Variants in DNAH7 observed in about 807,000 individuals in gnomAD.
DNAH7 encodes axonemal beta dynein heavy chain 7.
DNAH7 carries 397 observed loss-of-function variants against 444.6 expected under a neutral mutation model. That is an observed-to-expected ratio of 0.89 (90% CI 0.82 to 0.97). The LOEUF (loss-of-function observed/expected upper bound fraction) is 0.97, where lower values mean the gene tolerates loss of function less well. DNAH7 is among the 50% of genes least tolerant of loss of function. The pLI is 0.00. For missense variants in DNAH7, 4,902 were observed against 4,800.8 expected, an observed-to-expected ratio of 1.02 and a Z score of -0.62; for synonymous variants, 1,636 against 1,624.4, an observed-to-expected ratio of 1.01 and a Z score of -0.17.
intron 15 of DNAH7, among the ~76,000 whole-genome samples, chr2:195,979,078 TAAAC>T (rs1367053074): frequency 1.3e-5 from 2 of 151,356 alleles, no homozygotes; most frequent in Non-Finnish European, 3.0e-5. Flanking sequence ...TACAAAAAAA[TAAAC>T]AAAGAATCAT....
At chr2:195,770,749 G>A (rs551427296) in intron 61 of DNAH7, among the ~76,000 whole-genome samples, 5 of 151,952 alleles carry the variant, frequency 3.3e-5, no homozygotes, top group Non-Finnish European at 5.9e-5. Flanking sequence ...TTTGACACAG[G>A]GTCTCACTCT....
chr2:195,855,874 C>T lies in DNAH7; in HGVS notation c.8532G>A (p.Lys2844=). 1 of 1,614,048 alleles carries T rather than the reference C, an allele frequency of 6.2e-7. No individual in the cohort carries two copies. The highest frequency in any genetic ancestry group is 1.1e-5 in the South Asian group (1 of 91,064). The change falls in exon 45 of 65, where the codon AAG becomes AAA. Residue 2844 remains lysine (K), a synonymous_variant. Transcript: ENST00000312428. Reference sequence around the variant, plus strand: ...CAAGTGTGTCTTGAAGCCTGGCCAGCTTGTCCTGAACTTCCTTAAGGGCTG... The same window carrying T: ...CAAGTGTGTCTTGAAGCCTGGCCAGTTTGTCCTGAACTTCCTTAAGGGCTG... ...KQAALKEVQD[K]LARLQDTLEL...
chr2:195,787,652 T>C (rs548532320), intron 57 of DNAH7, among the ~76,000 whole-genome samples: 112 of 152,306 alleles, frequency 7.4e-4, no homozygotes, highest in African/African-American at 2.4e-3. Flanking sequence ...ACAGCTGTTA[T>C]GCTGGGAGTC....
At chr2:195,915,075 G>A (rs575769501) in intron 24 of DNAH7, among the ~76,000 whole-genome samples, 1 of 152,312 alleles carries the variant, frequency 6.6e-6, no homozygotes, top group South Asian at 2.1e-4. Context: ...CAGGAAACGA[G>A]TTGGTGCTGG....
intron 12 of DNAH7, among the ~76,000 whole-genome samples, chr2:195,988,444 C>T (rs1693073857): frequency 6.6e-6 from 1 of 151,848 alleles, no homozygotes; most frequent in South Asian, 2.1e-4. Flanking sequence ...TTTAAGGCTA[C>T]CTAGTTGTGT....
At chr2:195,984,595 G>T in intron 15 of DNAH7, 37 bp downstream of exon 15, 1 of 1,541,852 alleles carries the variant, frequency 6.5e-7, no homozygotes, top group Non-Finnish European at 9.0e-7. Context: ...ATAATTAATT[G>T]ATACACACAC....
At chr2:195,825,937 A>G (rs1257463951) in intron 48 of DNAH7, among the ~76,000 whole-genome samples, 1 of 152,218 alleles carries the variant, frequency 6.6e-6, no homozygotes, top group Non-Finnish European at 1.5e-5. Context: ...CTGAGATCTC[A>G]GCCAACAGCC....
intron 41 of DNAH7, among the ~76,000 whole-genome samples, chr2:195,863,562 G>C (rs760074727): frequency 6.6e-6 from 1 of 151,912 alleles, no homozygotes; most frequent in Non-Finnish European, 1.5e-5. Context: ...TGGCTTTCTC[G>C]CTCTTAACTC....
At chr2:196,057,639 C>A (rs1697890168) in intron 2 of DNAH7, among the ~76,000 whole-genome samples, 1 of 152,176 alleles carries the variant, frequency 6.6e-6, no homozygotes, top group Non-Finnish European at 1.5e-5. Context: ...TAGGAATCAA[C>A]TCTGCATAAA....
intron 60 of DNAH7, among the ~76,000 whole-genome samples, chr2:195,773,076 C>G (rs919437907): frequency 6.6e-6 from 1 of 151,982 alleles, no homozygotes; most frequent in Non-Finnish European, 1.5e-5. Flanking sequence ...CCACCGTGCC[C>G]GGCCTCTACT....
intron 1 of DNAH7, among the ~76,000 whole-genome samples, chr2:196,062,496 C>T (rs1245838684): frequency 1.3e-5 from 2 of 152,202 alleles, no homozygotes; most frequent in East Asian, 3.8e-4. Context: ...TTGAGATTTT[C>T]TAATAAATTT....
At chr2:195,746,558 G>A (rs183712207) in intron 63 of DNAH7, among the ~76,000 whole-genome samples, 1,846 of 152,064 alleles carry the variant, frequency 0.012, 25 homozygotes, top group Non-Finnish European at 0.013. Flanking sequence ...TTTCAGCACC[G>A]TAACACACCT....
rs1695131126 is a variant in DNAH7 at position 195,777,805 on chromosome 2, C to G, written c.11059G>C (p.Gly3687Arg). The G allele has an allele frequency of 6.8e-6, 11 of 1,610,320 alleles. No individual in the cohort carries two copies. The highest frequency in any genetic ancestry group is 9.3e-6 in the Non-Finnish European group (11 of 1,177,382). ...SSGIYFVPPS[G>R]DHKSYIEYTK... is the part of the protein sequence containing the mutation. ...TTTTTGAAGGGCATACTTACATCACCAGAAGGAGGAACAAAATAGATGCCA... is the reference window on the plus strand; with the variant it reads ...TTTTTGAAGGGCATACTTACATCACGAGAAGGAGGAACAAAATAGATGCCA... Residue 3687 changes from glycine to arginine, a missense_variant, in exon 59 of 65, where the codon GGT (glycine) becomes CGT (arginine). Transcript: ENST00000312428.
intron 46 of DNAH7, among the ~76,000 whole-genome samples, chr2:195,848,511 A>G (rs1699153415): frequency 6.6e-6 from 1 of 152,210 alleles, no homozygotes; most frequent in Admixed American, 6.5e-5. Context: ...TGTCATAATT[A>G]TATGAGCTTA....
intron 57 of DNAH7, among the ~76,000 whole-genome samples, chr2:195,793,839 T>C (rs930056727): frequency 2.0e-5 from 3 of 152,182 alleles, no homozygotes; most frequent in African/African-American, 7.2e-5. Context: ...ACGTACACAA[T>C]TCTAATCATG....
At chr2:196,011,584 G>A (rs1160488126) in intron 10 of DNAH7, among the ~76,000 whole-genome samples, 1 of 152,076 alleles carries the variant, frequency 6.6e-6, no homozygotes, top group Non-Finnish European at 1.5e-5. Context: ...TTGGGTTTGA[G>A]GTGGAAGTCA....
chr2:195,924,832 C>G (rs747802310), intron 22 of DNAH7, among the ~76,000 whole-genome samples: 12 of 152,110 alleles, frequency 7.9e-5, no homozygotes, highest in Non-Finnish European at 1.8e-4. Context: ...CTTCTCTTTT[C>G]TGGCAGGTAA....
chr2:195,979,573 T>G (rs972064588), intron 15 of DNAH7, among the ~76,000 whole-genome samples: 1 of 151,758 alleles, frequency 6.6e-6, no homozygotes, highest in Non-Finnish European at 1.5e-5. Flanking sequence ...TAAAAGCAAG[T>G]GCAAATCAAA....
intron 19 of DNAH7, among the ~76,000 whole-genome samples, chr2:195,946,219 T>C (rs1199055077): frequency 1.4e-4 from 21 of 151,320 alleles, no homozygotes. Flanking sequence ...TTTTGGGCTA[T>C]GGCAGGCAGA....
Sources: allele counts gnomAD v4.1 joint callset (sites outside exome capture counted in the v4.1 genomes callset), GRCh38; gene constraint gnomAD v4.1.1; transcripts MANE v1.5; gene names NCBI Gene and HGNC (gene_info 2026-07-23, HGNC 2026-07-21).